Variants in DLGAP2 observed in about 807,000 individuals in gnomAD.
The protein encoded by DLGAP2 is DLG associated protein 2.
In DLGAP2, 26 loss-of-function variants were observed where a neutral mutation model predicts 100.3. The observed-to-expected ratio is 0.26, with a 90% CI of 0.19 to 0.36. The LOEUF (loss-of-function observed/expected upper bound fraction) is 0.36, where lower values mean the gene tolerates loss of function less well. Ranked by LOEUF, DLGAP2 falls within the 10% of genes least tolerant of loss-of-function variation. The probability of loss-of-function intolerance (pLI) is 1.00; values close to 1 mark genes in which losing one functional copy is unlikely to be tolerated. For synonymous variants in DLGAP2, 886 were observed against 630.1 expected (o/e 1.41, Z -6.08); for missense variants, 1,858 against 1,453.2 (o/e 1.28, Z -4.53).
At chr8:973,415 C>T (rs1444353784) in intron 2 of DLGAP2, among the ~76,000 whole-genome samples, 171 of 149,840 alleles carry the variant, frequency 1.1e-3, no homozygotes, top group Non-Finnish European at 1.8e-3. Flanking sequence ...CGGGCAGAGA[C>T]GCTCCTCACC....
chr8:909,095 G>A (rs1195928298), intron 2 of DLGAP2, among the ~76,000 whole-genome samples: 1 of 152,130 alleles, frequency 6.6e-6, no homozygotes, highest in Non-Finnish European at 1.5e-5. Context: ...AACTCTTCTT[G>A]AGAATGAGGA....
intron 8 of DLGAP2, among the ~76,000 whole-genome samples, chr8:1,664,101 C>G (rs1235069515): frequency 6.6e-6 from 1 of 152,206 alleles, no homozygotes; most frequent in Non-Finnish European, 1.5e-5. Context: ...CTTTCTAGAG[C>G]TGAGGCTGTG....
chr8:868,370 C>G (rs1226159107), intron 1 of DLGAP2, among the ~76,000 whole-genome samples: 1 of 152,154 alleles, frequency 6.6e-6, no homozygotes, highest in Non-Finnish European at 1.5e-5. Context: ...CACCTAGCAC[C>G]TGTTCCTCCA....
At chr8:1,070,496 G>C (rs543752844) in intron 2 of DLGAP2, among the ~76,000 whole-genome samples, 2 of 152,322 alleles carry the variant, frequency 1.3e-5, no homozygotes, top group African/African-American at 4.8e-5. Context: ...GAAAACACGT[G>C]AAAGTCAAAT....
chr8:994,576 C>A (rs1563133485), intron 2 of DLGAP2, among the ~76,000 whole-genome samples: 1 of 152,126 alleles, frequency 6.6e-6, no homozygotes. Flanking sequence ...CTTAACTTGT[C>A]TAATTCTGCA....
At chr8:857,960 T>TC (rs1797313792) in intron 1 of DLGAP2, among the ~76,000 whole-genome samples, 1 of 149,616 alleles carries the variant, frequency 6.7e-6, no homozygotes, top group Admixed American at 6.6e-5. Flanking sequence ...AGCCTCTGTC[T>TC]CCTGGATTCA....
intron 2 of DLGAP2, among the ~76,000 whole-genome samples, chr8:996,125 A>G (rs1405047044): frequency 6.6e-6 from 1 of 152,184 alleles, no homozygotes; most frequent in Non-Finnish European, 1.5e-5. Flanking sequence ...TTCTGGCTCC[A>G]GGGACCACTC....
chr8:1,493,535 C>A (rs1340274506), intron 3 of DLGAP2, among the ~76,000 whole-genome samples: 1 of 152,244 alleles, frequency 6.6e-6, no homozygotes, highest in African/African-American at 2.4e-5. Flanking sequence ...CCCAGAGACA[C>A]ACCTGAACGT....
rs1427987779 is a variant in DLGAP2, at chr8:1,314,800, T to C, written c.106+55917T>C. On this transcript the variant is annotated intron_variant, in intron 3 of 14. Coordinates refer to ENST00000637795, the MANE Select transcript of DLGAP2 (RefSeq NM_001346810.2). ...TGAATTTTCGTGGAAGTTTCACTTG[T>C]TCATTATGAAGGATACACACAGGAT... 6.6e-5 allele frequency among the ~76,000 whole-genome samples: 10 copies of C among 152,366 alleles called. No homozygotes were observed. In the East Asian group the frequency reaches 1.9e-3, roughly 29 times the overall value.
At chr8:1,674,118 A>G (rs1417809959) in intron 10 of DLGAP2, among the ~76,000 whole-genome samples, 3 of 152,176 alleles carry the variant, frequency 2.0e-5, no homozygotes, top group Non-Finnish European at 4.4e-5. Flanking sequence ...CAGTGGTGCA[A>G]TCACAGCTAA....
intron 2 of DLGAP2, among the ~76,000 whole-genome samples, chr8:1,192,041 G>A (rs1291574825): frequency 6.6e-6 from 1 of 152,182 alleles, no homozygotes; most frequent in African/African-American, 2.4e-5. Context: ...GACATTCGTA[G>A]CCGCTGCCAG....
At chr8:1,094,526 A>G (rs1366971547) in intron 2 of DLGAP2, among the ~76,000 whole-genome samples, 1 of 152,208 alleles carries the variant, frequency 6.6e-6, no homozygotes, top group South Asian at 2.1e-4. Context: ...CTGAGGCTTA[A>G]ATTTCTCAGT....
intron 2 of DLGAP2, among the ~76,000 whole-genome samples, chr8:1,113,046 C>A (rs983984135): frequency 2.0e-5 from 3 of 152,058 alleles, no homozygotes; most frequent in Non-Finnish European, 2.9e-5. Context: ...GCTGTCTATT[C>A]GGTTCCATTG....
chr8:827,442 A>G (rs912943234), intron 1 of DLGAP2, among the ~76,000 whole-genome samples: 1 of 152,178 alleles, frequency 6.6e-6, no homozygotes, highest in Non-Finnish European at 1.5e-5. Flanking sequence ...CTTTGAGACA[A>G]CCCACTGAAC....
chr8:984,409 C>T (rs1022398114), intron 2 of DLGAP2, among the ~76,000 whole-genome samples: 8 of 152,190 alleles, frequency 5.3e-5, no homozygotes, highest in African/African-American at 1.9e-4. Flanking sequence ...GGGCTCAAAG[C>T]CCCTGCCTCC....
At chr8:1,309,647 T>C (rs1800567623) in intron 3 of DLGAP2, among the ~76,000 whole-genome samples, 1 of 152,158 alleles carries the variant, frequency 6.6e-6, no homozygotes, top group Admixed American at 6.5e-5. Context: ...AAGTGAAAGG[T>C]CTTCAGCGAT....
intron 2 of DLGAP2, among the ~76,000 whole-genome samples, chr8:1,066,717 C>T (rs1373313918): frequency 6.6e-6 from 1 of 152,206 alleles, no homozygotes; most frequent in Admixed American, 6.5e-5. Flanking sequence ...AGGGCAGCTC[C>T]ACCACGACTG....
At chr8:1,478,766 A>AACATG (rs1563172986) in intron 3 of DLGAP2, among the ~76,000 whole-genome samples, 6 of 152,170 alleles carry the variant, frequency 3.9e-5, no homozygotes, top group Non-Finnish European at 7.4e-5. Context: ...TCAGTATGAG[A>AACATG]GGTGCATGTT....
In DLGAP2 at chr8:1,038,387, C is replaced by CA. The variant is rs137931706; in HGVS notation, c.73+130422dup. 2.1e-3 allele frequency among the ~76,000 whole-genome samples: 322 copies of CA among 152,280 alleles called. 2 individuals are homozygous for CA. Among genetic ancestry groups the CA allele is most frequent in the African/African-American group, 7.5e-3 (312 of 41,538 alleles). ...GACCTTGGCAGGGAACCTCCAACCC[C>CA]ACCAGCAAATGTCCTCTGAAGTCCA... On this transcript the variant is annotated intron_variant, in intron 2 of 14. Coordinates refer to ENST00000637795, the MANE Select transcript of DLGAP2 (RefSeq NM_001346810.2).
Sources: allele counts gnomAD v4.1 joint callset (sites outside exome capture counted in the v4.1 genomes callset), GRCh38; gene constraint gnomAD v4.1.1; transcripts MANE v1.5; gene names NCBI Gene and HGNC (gene_info 2026-07-23, HGNC 2026-07-21).